The following SIK3 variants were observed in gnomAD, a reference collection of about 807,000 sequenced individuals.
SIK3 encodes the protein serine/threonine-protein kinase SIK3.
SIK3 carries 28 observed loss-of-function variants against 144.2 expected under a neutral mutation model. The ratio of observed to expected loss-of-function variants is 0.19; its 90% CI spans 0.14 to 0.27. The LOEUF is 0.27. SIK3 is among the 10% of genes least tolerant of loss of function. The pLI is 1.00. For synonymous variants in SIK3, 686 were observed against 676.3 expected (o/e 1.01, Z -0.22); for missense variants, 1,319 against 1,776.0 (o/e 0.74, Z 4.62).
chr11:116,988,550 G>A (rs982371728), intron 1 of SIK3, among the ~76,000 whole-genome samples: 1 of 152,052 alleles, frequency 6.6e-6, no homozygotes, highest in African/African-American at 2.4e-5. Context: ...GGATGCCGAG[G>A]CAGGTGAATT....
chr11:116,857,822 C>T lies in SIK3; in HGVS notation c.3643G>A (p.Val1215Met). The T allele has an allele frequency of 6.2e-7, 1 of 1,614,164 alleles. No individual in the cohort carries two copies. Among genetic ancestry groups the T allele is most frequent in the South Asian group, 1.1e-5 (1 of 91,080 alleles). ...QPTAAFSKNK[V>M]PSREPVIGNC... ...AGGAGACACTTACCTCTGCTGGGCA[C>T]CTTATTTTTACTGAATGCAGCAGTT... The change falls in exon 21 of 25, where the codon GTG becomes ATG. Residue 1215 changes from valine (V) to methionine (M), a missense_variant. Physicochemically the swap from Val to Met is conservative, Grantham distance 21. This residue lies in a region of SIK3 where 646 missense variants were observed against 763.7 expected (regional missense o/e 0.85). Coordinates refer to ENST00000445177, the MANE Select transcript of SIK3 (RefSeq NM_001366686.3).
rs1259142489 is a variant in SIK3 at position 116,844,512 on chromosome 11, G to C, written c.*1131C>G. ...GTACCCAGTGGGGAAGAGGAGGTTA[G>C]GAGAGAGGCAGGGCCCAAGGCAACC... is the stretch of plus-strand genomic sequence containing the variant. On this transcript the variant is annotated 3_prime_UTR_variant, in exon 25 of 25. Transcript: ENST00000445177. The C allele has an allele frequency of 1.4e-5, 2 of 147,886 alleles. No homozygotes were observed. The highest frequency in any genetic ancestry group is 1.5e-5 in the Non-Finnish European group (1 of 67,258). The allele number at this position is 147,886 out of a possible 1,614,324, so 9.2% of individuals were successfully genotyped here.
chr11:117,029,966 G>A (rs376672647), intron 1 of SIK3, among the ~76,000 whole-genome samples: 3 of 151,918 alleles, frequency 2.0e-5, no homozygotes, highest in African/African-American at 7.2e-5. Flanking sequence ...AATATACATA[G>A]AGAGAAGAGG....
chr11:117,051,476 A>G (rs1393416460), intron 1 of SIK3, among the ~76,000 whole-genome samples: 1 of 152,136 alleles, frequency 6.6e-6, no homozygotes, highest in Middle Eastern at 3.4e-3. Flanking sequence ...AACCTCTTCT[A>G]TATCTATAGA....
intron 1 of SIK3, among the ~76,000 whole-genome samples, chr11:117,076,066 C>T (rs998957722): frequency 2.0e-5 from 3 of 151,602 alleles, no homozygotes; most frequent in Non-Finnish European, 2.9e-5. Context: ...CCAGGCTGGT[C>T]TCCAACTCCT....
chr11:116,866,827 T>C (rs150996230), intron 15 of SIK3, among the ~76,000 whole-genome samples: 70 of 152,280 alleles, frequency 4.6e-4, no homozygotes, highest in African/African-American at 1.6e-3. Context: ...ATCAGAGTTT[T>C]ATTTGAGAAT....
chr11:116,865,412 G>A (rs549226320), intron 15 of SIK3, among the ~76,000 whole-genome samples: 32 of 152,058 alleles, frequency 2.1e-4, no homozygotes, highest in Admixed American at 1.8e-3. Context: ...TCAGAGGAAC[G>A]GTTCTGATGC....
intron 3 of SIK3, among the ~76,000 whole-genome samples, chr11:116,943,679 T>G (rs1948432581): frequency 6.6e-6 from 1 of 152,170 alleles, no homozygotes. Context: ...ATTTGACAGT[T>G]TGCTTCATGG....
At chr11:116,914,861 T>C (rs1041360746) in intron 4 of SIK3, among the ~76,000 whole-genome samples, 1 of 152,224 alleles carries the variant, frequency 6.6e-6, no homozygotes, top group African/African-American at 2.4e-5. Flanking sequence ...TTCAAAGGAA[T>C]GTATTATCTT....
At chr11:117,033,696 C>T (rs1367175318) in intron 1 of SIK3, among the ~76,000 whole-genome samples, 1 of 120,174 alleles carries the variant, frequency 8.3e-6, no homozygotes, top group East Asian at 2.3e-4. Flanking sequence ...GGGGAAAGAG[C>T]GAGACTCCGT....
chr11:116,951,106 T>A (rs1948914173), intron 3 of SIK3, among the ~76,000 whole-genome samples: 1 of 152,168 alleles, frequency 6.6e-6, no homozygotes, highest in Non-Finnish European at 1.5e-5. Flanking sequence ...AATACAAATA[T>A]TCTAGATCTT....
chr11:117,055,051 C>T (rs750981655), intron 1 of SIK3, among the ~76,000 whole-genome samples: 37 of 152,140 alleles, frequency 2.4e-4, no homozygotes, highest in Non-Finnish European at 4.3e-4. Flanking sequence ...TTCATTATCA[C>T]CCTTTCATAA....
At chr11:116,920,514 G>T (rs1437876291) in intron 4 of SIK3, among the ~76,000 whole-genome samples, 1 of 152,100 alleles carries the variant, frequency 6.6e-6, no homozygotes, top group Non-Finnish European at 1.5e-5. Flanking sequence ...GAGCTTATTT[G>T]TGTTTACTGT....
At chr11:117,049,792 T>C (rs1373430553) in intron 1 of SIK3, among the ~76,000 whole-genome samples, 3 of 150,872 alleles carry the variant, frequency 2.0e-5, no homozygotes, top group Non-Finnish European at 4.4e-5. Context: ...ATCATCTCTA[T>C]ACAAATTTTA....
chr11:116,977,121 A>C (rs1001768675), intron 1 of SIK3, among the ~76,000 whole-genome samples: 1 of 152,184 alleles, frequency 6.6e-6, no homozygotes. Context: ...GAAAAGGCCA[A>C]ATATTTCCGG....
intron 1 of SIK3, among the ~76,000 whole-genome samples, chr11:116,968,579 C>T (rs1949647902): frequency 6.6e-6 from 1 of 152,214 alleles, no homozygotes; most frequent in Non-Finnish European, 1.5e-5. Context: ...TGTCAAAAGA[C>T]AGCTACATGA....
chr11:116,999,360 T>TTTTCTGAAACTCAACTTCAATTC (rs1491430844), intron 1 of SIK3, among the ~76,000 whole-genome samples: 7 of 152,230 alleles, frequency 4.6e-5, no homozygotes, highest in Non-Finnish European at 8.8e-5. Context: ...AATGTCTGAC[T>TTTTCTGAAACTCAACTTCAATTC]TTTCTGAAAC....
At chr11:116,969,222 G>A (rs12272305) in intron 1 of SIK3, among the ~76,000 whole-genome samples, 10,784 of 149,692 alleles carry the variant, frequency 0.072, 482 homozygotes, top group Middle Eastern at 0.11. Flanking sequence ...CCCAGGAGGC[G>A]GAGCTTGCAG....
At chr11:117,032,490 T>C (rs553232172) in intron 1 of SIK3, among the ~76,000 whole-genome samples, 1 of 151,322 alleles carries the variant, frequency 6.6e-6, no homozygotes, top group Admixed American at 6.7e-5. Context: ...TTGATTTTTG[T>C]TTTTTTGTTT....
Sources: gnomAD v4.1 joint callset for allele counts (sites outside exome capture counted in the v4.1 genomes callset) on GRCh38, gnomAD v4.1.1 for gene constraint, gnomAD v4.1.1 regional missense constraint, MANE v1.5 for transcripts, NCBI Gene and HGNC (gene_info 2026-07-23, HGNC 2026-07-21) for gene names.